SH2B2: variants seen among roughly 807,000 people sequenced by gnomAD.
SH2B2 encodes the protein SH2B adapter protein 2.
Under a neutral mutation model 35.7 loss-of-function variants are expected in SH2B2, and 37 were observed. The observed-to-expected ratio is 1.04, with a 90% CI of 0.80 to 1.36. The LOEUF (loss-of-function observed/expected upper bound fraction) is 1.36, where lower values mean the gene tolerates loss of function less well. Ranked by LOEUF, SH2B2 falls within the 40% of genes most tolerant of loss-of-function variation. SH2B2 has a pLI of 0.00. For missense variants in SH2B2, 852 were observed against 817.7 expected, an observed-to-expected ratio of 1.04 and a Z score of -0.51; for synonymous variants, 383 against 376.4, an observed-to-expected ratio of 1.02 and a Z score of -0.20.
chr7:102,314,524 C>T lies in SH2B2; in HGVS notation c.1028C>T (p.Pro343Leu), dbSNP rs1793743592. The T allele has an allele frequency of 7.5e-6, 3 of 398,604 alleles. No homozygotes were observed. The highest frequency in any genetic ancestry group is 6.2e-5 in the African/African-American group (3 of 48,598). The allele number at this position is 398,604 out of a possible 1,614,324, so 24.7% of individuals were successfully genotyped here. A position where few individuals can be genotyped will look rare whatever the true frequency, so the allele number is the denominator to read the frequency against. Residue 343 changes from proline to leucine, a missense_variant, in exon 6 of 9, where the codon CCC (proline) becomes CTC (leucine). Physicochemically the swap from Pro to Leu is moderately conservative, Grantham distance 98 (BLOSUM62 -3). This residue lies in a region of SH2B2 where 556 missense variants were observed against 514.5 expected (regional missense o/e 1.08). Coordinates refer to ENST00000444095, the MANE Select transcript of SH2B2 (RefSeq NM_001359228.2). ...CELLTDAVDL[P>L]RPPETTAVGA... ...GCCACTTCCCCAGCAGTCGACCTGC[C>T]CCGCCCCCCAGAGACGACAGCCGTG... is the stretch of plus-strand genomic sequence containing the variant.
At chr7:102,286,679 G>A (rs1366744237), upstream of SH2B2, among the ~76,000 whole-genome samples, 1 of 149,278 alleles carries the variant, frequency 6.7e-6, no homozygotes, top group Non-Finnish European at 1.5e-5. Context: ...CGCAGCTGCG[G>A]GGAGCCAGCA....
At chr7:102,296,777 A>G (rs1792935818) in intron 1 of SH2B2, among the ~76,000 whole-genome samples, 1 of 152,228 alleles carries the variant, frequency 6.6e-6, no homozygotes, top group Non-Finnish European at 1.5e-5. Flanking sequence ...CGTGCAGGCC[A>G]TTGTGATGGA....
intron 1 of SH2B2, among the ~76,000 whole-genome samples, chr7:102,292,649 GTTCAA>G (rs1362681529): frequency 0.85 from 129,961 of 152,078 alleles, 55,563 homozygotes; most frequent in East Asian, 0.93. Context: ...AGTGAGCTAT[GTTCAA>G]AGTGCAGTGC....
chr7:102,285,324 A>G, upstream of SH2B2: 1 of 1,156,320 alleles, frequency 8.6e-7, no homozygotes. Context: ...CAGGCCATGT[A>G]TGGAGCTTCC....
Position 102,321,500 on chromosome 7 carries a change from TCAGCGCGC to T in SH2B2, c.1770_1777del (p.Ser591GlufsTer?). The T allele has an allele frequency of 8.6e-7, 1 of 1,158,666 alleles. No homozygotes were observed. The highest frequency in any genetic ancestry group is 1.1e-6 in the Non-Finnish European group (1 of 940,528). 71.8% of individuals were successfully genotyped at this position (1,158,666 alleles called of 1,614,324 possible). Reference sequence around the variant, plus strand: ...CCCCCGCGCCCCGTCGAGGGCCAGCTCAGCGCGCGGAGCCGCAGCAACAGCGCCGAGCG... The same window carrying T: ...CCCCCGCGCCCCGTCGAGGGCCAGCTGGAGCCGCAGCAACAGCGCCGAGCG... On this transcript the variant is annotated frameshift_variant, in exon 9 of 9. Coordinates refer to ENST00000444095, the MANE Select transcript of SH2B2 (RefSeq NM_001359228.2). LOFTEE classifies it low-confidence loss of function (END_TRUNC).
At chr7:102,308,686 C>T (rs1793496092) in intron 3 of SH2B2, 129 bp from the exon 4 acceptor site, 1 of 722,346 alleles carries the variant, frequency 1.4e-6, no homozygotes, top group African/African-American at 1.7e-5. Flanking sequence ...TTCTTTCCTG[C>T]TGCTCATGCC....
chr7:102,312,550 T>C (rs1308329739), intron 4 of SH2B2, among the ~76,000 whole-genome samples: 1 of 152,212 alleles, frequency 6.6e-6, no homozygotes, highest in African/African-American at 2.4e-5. Context: ...GTAGCATTCC[T>C]TCCTTCTGGG....
At chr7:102,291,852 C>T (rs1247958900) in intron 1 of SH2B2, among the ~76,000 whole-genome samples, 3 of 152,140 alleles carry the variant, frequency 2.0e-5, no homozygotes, top group Non-Finnish European at 2.9e-5. Context: ...ACCTAGTCAG[C>T]GGGTGGGAGT....
Position 102,320,453 on chromosome 7 carries a change from G to C in SH2B2, c.1518G>C (p.Ser506=), listed in dbSNP as rs781845075. 2 of 1,613,688 alleles carry C rather than the reference G, an allele frequency of 1.2e-6. No homozygotes were observed. Among genetic ancestry groups the C allele is most frequent in the East Asian group, 2.2e-5 (1 of 44,878 alleles). ...THPIPLESGG[S]ADITLRSYVR... is the part of the protein sequence containing the mutation. ...CCATCCCACTGGAGTCAGGGGGCTC[G>C]GCCGACATCACCCTTCGCAGCTATG... is the stretch of plus-strand genomic sequence containing the variant. The change falls in exon 8 of 9, where the codon TCG becomes TCC. Residue 506 remains serine, a synonymous_variant. Transcript: ENST00000444095.
chr7:102,314,875 T>C (rs1793760940), intron 6 of SH2B2, among the ~76,000 whole-genome samples, 193 bp downstream of exon 6: 1 of 152,200 alleles, frequency 6.6e-6, no homozygotes, highest in African/African-American at 2.4e-5. Context: ...CCCCTCCCAC[T>C]GGACCCAGTT....
rs1326203724 is a variant in SH2B2, at chr7:102,321,524, G to T, written c.1793G>T (p.Ser598Ile). The T allele has an allele frequency of 2.6e-6, 3 of 1,143,504 alleles. No homozygotes were observed. Among genetic ancestry groups the T allele is most frequent in the South Asian group, 4.0e-5 (1 of 24,894 alleles). 70.8% of individuals were successfully genotyped at this position (1,143,504 alleles called of 1,614,324 possible). Residue 598 changes from serine to isoleucine, a missense_variant, in exon 9 of 9, where the codon AGC becomes ATC. Ser to Ile is a moderately radical substitution (Grantham distance 142). Transcript: ENST00000444095. ...GQLSARSRSN[S>I]AERLLEAVAA... ...CTCAGCGCGCGGAGCCGCAGCAACA[G>T]CGCCGAGCGCCTGCTGGAGGCCGTG...
chr7:102,306,504 A>G (rs1554554857), intron 2 of SH2B2, among the ~76,000 whole-genome samples: 1 of 152,176 alleles, frequency 6.6e-6, no homozygotes, highest in East Asian at 1.9e-4. Flanking sequence ...GATTACAGGC[A>G]TGAGCCACCA....
intron 3 of SH2B2, among the ~76,000 whole-genome samples, chr7:102,307,245 A>T (rs1358666701): frequency 6.6e-6 from 1 of 152,198 alleles, no homozygotes; most frequent in East Asian, 1.9e-4. Context: ...CAAAGGCATC[A>T]AGGGGGGGCG....
At chr7:102,307,962 C>A (rs572999990) in intron 3 of SH2B2, among the ~76,000 whole-genome samples, 1 of 152,006 alleles carries the variant, frequency 6.6e-6, no homozygotes, top group African/African-American at 2.4e-5. Context: ...GTAGAGACAG[C>A]GTTTCACCAT....
upstream of SH2B2, among the ~76,000 whole-genome samples, chr7:102,285,794 CA>C (rs1169721664): frequency 1.4e-4 from 22 of 152,170 alleles, no homozygotes; most frequent in African/African-American, 5.3e-4. Context: ...GGGCAGGGGA[CA>C]AGGAGGGAGA....
In SH2B2 at chr7:102,294,499, G is replaced by A. The variant is rs191953334; in HGVS notation, c.-29-6023G>A. Among the ~76,000 whole-genome samples, 41 of 152,316 alleles carry A rather than the reference G, an allele frequency of 2.7e-4. No individual in the cohort carries two copies. In the Middle Eastern group the frequency reaches 0.017, roughly 63 times the overall value. On this transcript the variant is annotated intron_variant, in intron 1 of 8. Coordinates refer to ENST00000444095, the MANE Select transcript of SH2B2 (RefSeq NM_001359228.2). Reference sequence around the variant, plus strand: ...TAACATTGCAGACACCACCTCCTGTGCCATCTTGCCAGTGAGTGGTCAGAA... The same window carrying A: ...TAACATTGCAGACACCACCTCCTGTACCATCTTGCCAGTGAGTGGTCAGAA...
At position 102,308,846 on chromosome 7, in the gene SH2B2, C is replaced by T; in HGVS notation, c.863C>T (p.Thr288Ile). Reference sequence around the variant, plus strand: ...AATGGAGCCGAATACATCTTGGAGACCATCGACTCTCTGCAGAAGCACTCG... The same window carrying T: ...AATGGAGCCGAATACATCTTGGAGATCATCGACTCTCTGCAGAAGCACTCG... ...VENGAEYILE[T>I]IDSLQKHSWV... is the part of the protein sequence containing the mutation. The change falls in exon 4 of 9, where the codon ACC becomes ATC. Residue 288 changes from threonine to isoleucine, a missense_variant. Physicochemically the swap from Thr to Ile is moderately conservative, Grantham distance 89 (BLOSUM62 -1). Coordinates refer to ENST00000444095, the MANE Select transcript of SH2B2 (RefSeq NM_001359228.2). 6.2e-7 allele frequency: 1 copy of T among 1,613,652 alleles called. No homozygotes were observed. The highest frequency in any genetic ancestry group is 8.5e-7 in the Non-Finnish European group (1 of 1,179,842).
intron 1 of SH2B2, among the ~76,000 whole-genome samples, chr7:102,292,593 G>A (rs1792714537): frequency 6.6e-6 from 1 of 151,990 alleles, no homozygotes; most frequent in Non-Finnish European, 1.5e-5. Context: ...AGCCACTTGG[G>A]AGGCTGAGGC....
At chr7:102,286,127 C>A (rs1424507787), upstream of SH2B2, among the ~76,000 whole-genome samples, 22 of 152,212 alleles carry the variant, frequency 1.4e-4, no homozygotes, top group Non-Finnish European at 3.2e-4. Flanking sequence ...GGGTTGTGGC[C>A]CCTCATCGCC....
Sources: gnomAD v4.1 joint callset for allele counts (sites outside exome capture counted in the v4.1 genomes callset) on GRCh38, gnomAD v4.1.1 for gene constraint, gnomAD v4.1.1 regional missense constraint, MANE v1.5 for transcripts, NCBI Gene and HGNC (gene_info 2026-07-23, HGNC 2026-07-21) for gene names.